Variants in ZMYND8 observed in about 807,000 individuals in gnomAD.
ZMYND8 encodes zinc finger MYND-type containing 8.
A neutral mutation model predicts 140.8 loss-of-function variants in ZMYND8; 37 were observed. The ratio of observed to expected loss-of-function variants is 0.26; its 90% CI spans 0.20 to 0.35. ZMYND8 has a LOEUF of 0.35. ZMYND8 is among the 10% of genes least tolerant of loss of function. ZMYND8 has a pLI of 1.00. For synonymous variants in ZMYND8, 592 were observed against 597.1 expected (o/e 0.99, Z 0.12); for missense variants, 1,068 against 1,570.0 (o/e 0.68, Z 5.40).
At chr20:47,305,211 T>C (rs974092681) in intron 3 of ZMYND8, among the ~76,000 whole-genome samples, 19 of 150,798 alleles carry the variant, frequency 1.3e-4, no homozygotes, top group African/African-American at 4.6e-4. Flanking sequence ...ACCACTGTAC[T>C]CCAGCCTGGA....
At chr20:47,216,263 G>A (rs922635147) in intron 21 of ZMYND8, among the ~76,000 whole-genome samples, 1 of 152,156 alleles carries the variant, frequency 6.6e-6, no homozygotes, top group African/African-American at 2.4e-5. Context: ...GGAAGCCAAG[G>A]TGGGTGAATC....
chr20:47,331,556 C>A (rs1468533876), intron 2 of ZMYND8, among the ~76,000 whole-genome samples: 1 of 152,074 alleles, frequency 6.6e-6, no homozygotes, highest in Non-Finnish European at 1.5e-5. Flanking sequence ...TCATAAAGCT[C>A]CAGATGTGGG....
At chr20:47,281,132 TAA>T (rs2076580487) in intron 10 of ZMYND8, among the ~76,000 whole-genome samples, 2 of 152,340 alleles carry the variant, frequency 1.3e-5, no homozygotes, top group South Asian at 4.1e-4. Flanking sequence ...ATACAGGAAT[TAA>T]AGTCAAGGTG....
chr20:47,304,148 G>A (rs1316733219), intron 3 of ZMYND8, among the ~76,000 whole-genome samples: 2 of 152,176 alleles, frequency 1.3e-5, no homozygotes, highest in Non-Finnish European at 2.9e-5. Flanking sequence ...GAAACAGGTT[G>A]CAACCTGTGT....
At chr20:47,294,191 T>C (rs377424737) in intron 5 of ZMYND8, among the ~76,000 whole-genome samples, 53 of 133,788 alleles carry the variant, frequency 4.0e-4, no homozygotes, top group African/African-American at 1.4e-3. Context: ...CTACTAAAAA[T>C]ACAAAAAAAA....
At chr20:47,232,566 G>A (rs2038651204) in intron 16 of ZMYND8, among the ~76,000 whole-genome samples, 1 of 151,924 alleles carries the variant, frequency 6.6e-6, no homozygotes, top group African/African-American at 2.4e-5. Context: ...AAAGAACAAA[G>A]GGGATGCAGA....
Position 47,239,076 on chromosome 20 carries a change from G to C in ZMYND8, c.2347C>G (p.Leu783Val). 6.5e-7 allele frequency: 1 copy of C among 1,545,922 alleles called. No homozygotes were observed. The highest frequency in any genetic ancestry group is 8.7e-7 in the Non-Finnish European group (1 of 1,146,674). ...GSHSPPETPVLTRSSAQTSAA... is the reference protein window; with the variant it reads ...GSHSPPETPVVTRSSAQTSAA... ...GAAGTTTGGGCGGAAGAGCGGGTGA[G>C]CACCGGTGTTTCCGGGGGAGAATGG... is the stretch of plus-strand genomic sequence containing the variant. Residue 783 changes from leucine (L) to valine (V), a missense_variant, in exon 15 of 23, where the codon CTC becomes GTC. Transcript: ENST00000471951.
chr20:47,230,683 G>A (rs1436611217), intron 16 of ZMYND8, among the ~76,000 whole-genome samples: 9 of 152,008 alleles, frequency 5.9e-5, no homozygotes, highest in African/African-American at 2.2e-4. Flanking sequence ...GCTTTATTGA[G>A]GTATATGCAT....
At chr20:47,279,508 A>C (rs2076470016) in intron 10 of ZMYND8, among the ~76,000 whole-genome samples, 1 of 102,856 alleles carries the variant, frequency 9.7e-6, no homozygotes, top group Non-Finnish European at 2.1e-5. Flanking sequence ...TAAATAAATA[A>C]TAAAACAAGC....
intron 1 of ZMYND8, chr20:47,352,609 G>A (rs146879639): frequency 4.4e-6 from 4 of 914,468 alleles, no homozygotes; most frequent in Admixed American, 6.2e-5. Flanking sequence ...TCTGAGCATT[G>A]GCCTCAGAAC....
At position 47,276,469 on chromosome 20, in the gene ZMYND8, C is replaced by A; in HGVS notation, c.1325G>T (p.Arg442Leu). The A allele has an allele frequency of 1.9e-6, 3 of 1,613,938 alleles. No homozygotes were observed. The highest frequency in any genetic ancestry group is 2.5e-6 in the Non-Finnish European group (3 of 1,179,954). ...CGGCATATCCGACAAGGAAATCCGG[C>A]GGCCTGTGCCCCCACTCAGCACAGG... Reference protein sequence around the residue: ...SKPVLSGGTGRRISLSDMPRS... With the variant: ...SKPVLSGGTGLRISLSDMPRS... The change falls in exon 11 of 23, where the codon CGC (arginine) becomes CTC (leucine). Residue 442 changes from arginine to leucine, a missense_variant. This residue lies in a region of ZMYND8 where 173 missense variants were observed against 223.3 expected (regional missense o/e 0.77). Coordinates refer to ENST00000471951, the MANE Select transcript of ZMYND8 (RefSeq NM_001281775.3).
At chr20:47,310,442 C>T (rs1304150941) in intron 2 of ZMYND8, among the ~76,000 whole-genome samples, 2 of 152,050 alleles carry the variant, frequency 1.3e-5, no homozygotes, top group African/African-American at 4.8e-5. Context: ...TAACTTGTTG[C>T]CAAGATACAA....
At chr20:47,229,044 A>G (rs971066238) in intron 17 of ZMYND8, among the ~76,000 whole-genome samples, 4 of 151,682 alleles carry the variant, frequency 2.6e-5, no homozygotes, top group South Asian at 4.2e-4. Context: ...CTCCCAGGCT[A>G]GAGTACAGTG....
chr20:47,324,549 G>C lies in ZMYND8; in HGVS notation c.86-14345C>G, dbSNP rs141866038. ...AAAAAGTAAATAAAAACCTCAATAA[G>C]ATAGTGCACTCCCTGCTTAAAACCC... On this transcript the variant is annotated intron_variant, in intron 2 of 22. Coordinates refer to ENST00000471951, the MANE Select transcript of ZMYND8 (RefSeq NM_001281775.3). Among the ~76,000 whole-genome samples, 738 of 152,078 alleles carry C rather than the reference G, an allele frequency of 4.9e-3. 6 individuals carry two copies. The highest frequency in any genetic ancestry group is 0.017 in the African/African-American group (716 of 41,512).
intron 2 of ZMYND8, among the ~76,000 whole-genome samples, chr20:47,314,698 T>A (rs965038106): frequency 6.6e-6 from 1 of 152,180 alleles, no homozygotes. Context: ...TACACAATCC[T>A]GTTCCACACT....
intron 21 of ZMYND8, among the ~76,000 whole-genome samples, chr20:47,214,048 C>A (rs2035694688): frequency 7.6e-6 from 1 of 131,200 alleles, no homozygotes; most frequent in Non-Finnish European, 1.8e-5. Context: ...AACTAAAATT[C>A]TCTCTCTTCC....
At chr20:47,310,239 G>A (rs41282806) in intron 2 of ZMYND8, 35 bp from the exon 3 acceptor site, 45,543 of 1,563,012 alleles carry the variant, frequency 0.029, 762 homozygotes, top group African/African-American at 0.045. Flanking sequence ...TTTTAAAGCA[G>A]TCAGGGAGGC....
intron 12 of ZMYND8, among the ~76,000 whole-genome samples, chr20:47,258,484 A>C (rs2074921023): frequency 6.6e-6 from 1 of 152,228 alleles, no homozygotes; most frequent in Non-Finnish European, 1.5e-5. Context: ...GATTCCTGTA[A>C]CCACCACCAC....
rs557157184 is a variant in ZMYND8, at chr20:47,304,083, G to C, written c.235-5136C>G. ...AAAAGGGAAAGCAAATCATTTCTGA[G>C]ATATGATTTTTCTCCCCTACATGTA... On this transcript the variant is annotated intron_variant, in intron 3 of 22. Transcript: ENST00000471951. Among the ~76,000 whole-genome samples the C allele has an allele frequency of 5.9e-5, 9 of 152,278 alleles. No individual in the cohort carries two copies. The South Asian group carries it at 1.9e-3, about 32-fold the overall frequency.
Sources: allele counts gnomAD v4.1 joint callset (sites outside exome capture counted in the v4.1 genomes callset), GRCh38; gene constraint gnomAD v4.1.1; regional missense constraint gnomAD v4.1.1; transcripts MANE v1.5; gene names NCBI Gene and HGNC (gene_info 2026-07-23, HGNC 2026-07-21).